PRPF8: variants seen among roughly 807,000 people sequenced by gnomAD.
The protein encoded by PRPF8 is pre-mRNA processing factor 8, also known as pre-mRNA-processing-splicing factor 8.
A neutral mutation model predicts 285.9 loss-of-function variants in PRPF8; 64 were observed. That is an observed-to-expected ratio of 0.22 (90% CI 0.18 to 0.28). The LOEUF is 0.28. PRPF8 is among the 10% of genes least tolerant of loss of function. The pLI, the probability that PRPF8 is intolerant of heterozygous loss-of-function variation, is 1.00. For missense variants in PRPF8, 1,426 were observed against 3,026.7 expected, an observed-to-expected ratio of 0.47 and a Z score of 12.41; for synonymous variants, 1,325 against 1,118.2, an observed-to-expected ratio of 1.18 and a Z score of -3.69.
intron 8 of PRPF8, 121 bp downstream of exon 8, chr17:1,680,605 A>G (rs1912860702): frequency 1.1e-6 from 1 of 896,204 alleles, no homozygotes; most frequent in Non-Finnish European, 1.8e-6. Context: ...CTTATAGCTC[A>G]AGGGGAACAC....
Position 1,650,857 on chromosome 17 carries a change from G to A in PRPF8, c.6953C>T (p.Ala2318Val), listed in dbSNP as rs759985156. Residue 2318 changes from alanine to valine, a missense_variant, in exon 43 of 43, where the codon GCT (alanine) becomes GTT (valine). Physicochemically the swap from Ala to Val is moderately conservative, Grantham distance 64. Around this residue, in one of 34 missense-constraint regions of PRPF8, gnomAD observed 59 missense variants for 58.6 expected, o/e 1.01. Transcript: ENST00000304992. ...VHRPSHFLNF[A>V]LLQEGEVYSA... ...GTAAACCTCCCCCTCCTGCAGGAGAGCAAAGTTGAGGAAGTGAGAGGGCCT... is the reference window on the plus strand; with the variant it reads ...GTAAACCTCCCCCTCCTGCAGGAGAACAAAGTTGAGGAAGTGAGAGGGCCT... 1.9e-6 allele frequency: 3 copies of A among 1,614,210 alleles called. No individual in the cohort carries two copies. Among genetic ancestry groups the A allele is most frequent in the East Asian group, 4.5e-5 (2 of 44,876 alleles).
At position 1,660,687 on chromosome 17, in the gene PRPF8, A is replaced by G. The variant is rs773323136; in HGVS notation, c.4638+11T>C. On this transcript the variant is annotated intron_variant, in intron 29 of 42. Transcript: ENST00000304992. ...CTTTAGCTTCCCCTCTCCAGTGTCA[A>G]TCACACTCACATTGGCTCGATTAAT... The G allele has an allele frequency of 2.7e-5, 44 of 1,614,088 alleles. No homozygotes were observed. In the East Asian group the frequency reaches 6.7e-4, roughly 25 times the overall value.
Position 1,659,214 on chromosome 17 carries a change from CAG to C in PRPF8, c.5138+141_5138+142del, listed in dbSNP as rs1346502595. 12 of 929,688 alleles carry C rather than the reference CAG, an allele frequency of 1.3e-5. No individual in the cohort carries two copies. Among genetic ancestry groups the C allele is most frequent in the Non-Finnish European group, 2.0e-5 (12 of 588,130 alleles). 57.6% of individuals were successfully genotyped at this position (929,688 alleles called of 1,614,324 possible). A position where few individuals can be genotyped will look rare whatever the true frequency, so the allele number is the denominator to read the frequency against. ...CTAATTTTTTGTATTTTGGTAGAGA[CAG>C]GGTTTCACCATGTTGCCCAGACTGG... On this transcript the variant is annotated intron_variant, in intron 32 of 42. Transcript: ENST00000304992. This position sits in a 1 kb window ranked among gnomAD's most constrained non-coding sequence, Gnocchi z 5.1.
chr17:1,659,993 G>T lies in PRPF8; in HGVS notation c.4794C>A (p.Asp1598Glu), dbSNP rs1393257789. The change falls in exon 31 of 43, where the codon GAC becomes GAA. Residue 1598 changes from aspartate to glutamate, a missense_variant. This residue lies in a region of PRPF8 where 21 missense variants were observed against 16.5 expected (regional missense o/e 1.27). Coordinates refer to ENST00000304992, the MANE Select transcript of PRPF8 (RefSeq NM_006445.4). This position sits in a 1 kb window ranked among gnomAD's most constrained non-coding sequence, Gnocchi z 5.1. ...CAATTTCCAGTGCATCAAGTTCCTGGTCAAACACCTGAAGGAAAACATGGA... is the reference window on the plus strand; with the variant it reads ...CAATTTCCAGTGCATCAAGTTCCTGTTCAAACACCTGAAGGAAAACATGGA... ...SIVMDLCQVF[D>E]QELDALEIET... is the part of the protein sequence containing the mutation. 1.9e-6 allele frequency: 3 copies of T among 1,613,940 alleles called. No homozygotes were observed. The highest frequency in any genetic ancestry group is 2.5e-6 in the Non-Finnish European group (3 of 1,179,952).
intron 24 of PRPF8, among the ~76,000 whole-genome samples, chr17:1,671,847 T>A (rs1912338036): frequency 4.9e-5 from 5 of 101,052 alleles, no homozygotes; most frequent in South Asian, 3.4e-4. Flanking sequence ...CAAGACTCCA[T>A]CTCAAAAAAA....
chr17:1,661,124 C>G lies in PRPF8; in HGVS notation c.4377G>C (p.Arg1459=). 6.2e-7 allele frequency: 1 copy of G among 1,614,190 alleles called. No individual in the cohort carries two copies. The change falls in exon 28 of 43, where the codon CGG becomes CGC. Residue 1459 remains arginine (R), a synonymous_variant. Coordinates refer to ENST00000304992, the MANE Select transcript of PRPF8 (RefSeq NM_006445.4). The surrounding 1 kb of genome is among the most constrained non-coding windows in gnomAD (Gnocchi z 7.3). ...TCAGGTTCCAGAGCTTCCCATCATG[C>G]CGCTGGTGTGTCCACCAGAACGGAT... The part of the protein sequence containing the change: ...KQNPFWWTHQ[R]HDGKLWNLNN...
At chr17:1,664,985 G>C (rs1911878213) in intron 24 of PRPF8, among the ~76,000 whole-genome samples, 1 of 151,348 alleles carries the variant, frequency 6.6e-6, no homozygotes, top group Non-Finnish European at 1.5e-5. Flanking sequence ...GTAAAAACCT[G>C]TCTCTACTAA....
chr17:1,673,321 G>A lies in PRPF8; in HGVS notation c.3657+36C>T, dbSNP rs190623887. 33 of 1,611,154 alleles carry A rather than the reference G, an allele frequency of 2.0e-5. No homozygotes were observed. The highest frequency in any genetic ancestry group is 1.7e-4 in the Middle Eastern group (1 of 6,054). On this transcript the variant is annotated intron_variant, in intron 23 of 42. Transcript: ENST00000304992. The surrounding 1 kb of genome is among the most constrained non-coding windows in gnomAD (Gnocchi z 5.5). Reference sequence around the variant, plus strand: ...GGTGACTGACCCAGGAAGTGCAGGCGCGTTCATGTCACTCCCAGCCCCGCC... The same window carrying A: ...GGTGACTGACCCAGGAAGTGCAGGCACGTTCATGTCACTCCCAGCCCCGCC...
At chr17:1,660,868 T>G (rs1911646178) in intron 28 of PRPF8, 41 bp from the exon 29 acceptor site, 1 of 1,612,982 alleles carries the variant, frequency 6.2e-7, no homozygotes, top group South Asian at 1.1e-5. Flanking sequence ...ATCCTGCCAT[T>G]TCCCAGCACA....
chr17:1,673,257 T>C lies in PRPF8; in HGVS notation c.3658-60A>G. 1.9e-6 allele frequency: 3 copies of C among 1,606,338 alleles called. No individual in the cohort carries two copies. On this transcript the variant is annotated intron_variant, in intron 23 of 42. Coordinates refer to ENST00000304992, the MANE Select transcript of PRPF8 (RefSeq NM_006445.4). This position sits in a 1 kb window ranked among gnomAD's most constrained non-coding sequence, Gnocchi z 5.5. The stretch of plus-strand genomic sequence containing the variant: ...AACTCCCACAGAAGCAAGAGCCAAC[T>C]GTGCCCACCACTCAAGTCTTTCCAC...
chr17:1,674,308 T>C, intron 21 of PRPF8, 134 bp downstream of exon 21: 3 of 957,864 alleles, frequency 3.1e-6, no homozygotes, highest in Non-Finnish European at 5.1e-6. Flanking sequence ...AGGCGTGAGC[T>C]ACCGCACCCG....
intron 3 of PRPF8, 177 bp downstream of exon 3, chr17:1,683,356 G>A (rs570536287): frequency 6.8e-6 from 5 of 730,826 alleles, no homozygotes; most frequent in South Asian, 6.3e-5. Context: ...ATCGGGAAGA[G>A]AGGGGAAACA....
rs1165124931 is a variant in PRPF8 at position 1,661,296 on chromosome 17, A to G, written c.4313T>C (p.Val1438Ala). ...CTGATACTGCTTAAAGTCAGTTCTG[A>G]CACGCCAGCCCTTATCATAAGCCAG... ...HTLAYDKGWR[V>A]RTDFKQYQVL... is the part of the protein sequence containing the mutation. Residue 1438 changes from valine to alanine, a missense_variant, in exon 27 of 43, where the codon GTC (valine) becomes GCC (alanine). Coordinates refer to ENST00000304992, the MANE Select transcript of PRPF8 (RefSeq NM_006445.4). This position sits in a 1 kb window ranked among gnomAD's most constrained non-coding sequence, Gnocchi z 7.3. 1 of 1,614,144 alleles carries G rather than the reference A, an allele frequency of 6.2e-7. No individual in the cohort carries two copies. The highest frequency in any genetic ancestry group is 1.1e-5 in the South Asian group (1 of 91,084).
At position 1,676,969 on chromosome 17, in the gene PRPF8, C is replaced by T. The variant is rs780368500; in HGVS notation, c.2181+7G>A. ...TTACGCCTCCAAGGAAATAAAGAGACACCCACCTTCCAGGGAATGTTGGCT... is the reference window on the plus strand; with the variant it reads ...TTACGCCTCCAAGGAAATAAAGAGATACCCACCTTCCAGGGAATGTTGGCT... On this transcript the variant is annotated splice_region_variant and intron_variant, in intron 15 of 42. Coordinates refer to ENST00000304992, the MANE Select transcript of PRPF8 (RefSeq NM_006445.4). This position sits in a 1 kb window ranked among gnomAD's most constrained non-coding sequence, Gnocchi z 6.3. 1.2e-6 allele frequency: 2 copies of T among 1,613,468 alleles called. No homozygotes were observed. The highest frequency in any genetic ancestry group is 1.7e-5 in the Admixed American group (1 of 60,020).
rs149841154 is a variant in PRPF8, at chr17:1,656,500, C to A, written c.5685G>T (p.Ala1895=). 34 of 1,614,040 alleles carry A rather than the reference C, an allele frequency of 2.1e-5. No homozygotes were observed. In the African/African-American group the frequency reaches 4.5e-4, roughly 22 times the overall value. The change falls in exon 36 of 43, where the codon GCG becomes GCT. Residue 1895 remains alanine, a synonymous_variant. Transcript: ENST00000304992. ...KGSELQLPFQ[A]CLKVEKFGDL... ...CCCCGAATTTTTCCACCTTGAGACA[C>A]GCCTGGAAAGGGAGTTGGAGCTCCG...
intron 24 of PRPF8, among the ~76,000 whole-genome samples, chr17:1,668,789 G>A (rs1912143361): frequency 6.6e-6 from 1 of 152,050 alleles, no homozygotes; most frequent in African/African-American, 2.4e-5. Context: ...CTGAGTAGCT[G>A]GGTGATTCTG....
intron 24 of PRPF8, among the ~76,000 whole-genome samples, chr17:1,668,613 C>T (rs1198838492): frequency 1.3e-5 from 2 of 152,098 alleles, no homozygotes; most frequent in South Asian, 2.1e-4. Context: ...CCACCCGCCT[C>T]GGCCTCCCAA....
At chr17:1,652,380 A>G (rs1911128103) in intron 39 of PRPF8, among the ~76,000 whole-genome samples, 2 of 152,182 alleles carry the variant, frequency 1.3e-5, no homozygotes, top group Non-Finnish European at 2.9e-5. Context: ...CTGGGACTAC[A>G]GGCACATGCC....
At position 1,651,469 on chromosome 17, in the gene PRPF8, T is replaced by C. The variant is rs368323256; in HGVS notation, c.6595A>G (p.Ile2199Val). 2.8e-5 allele frequency: 46 copies of C among 1,614,042 alleles called. No individual in the cohort carries two copies. The highest frequency in any genetic ancestry group is 3.9e-5 in the Non-Finnish European group (46 of 1,180,020). ...SPQDVTTHAKIMADNPSWDGE... is the reference protein window; with the variant it reads ...SPQDVTTHAKVMADNPSWDGE... ...TCCCAAGATGGGTTGTCAGCCATGA[T>C]CTTGGCATGGGTGGTGACATCCTGG... Residue 2199 changes from isoleucine to valine, a missense_variant, in exon 41 of 43, where the codon ATC (isoleucine) becomes GTC (valine). Around this residue, in one of 34 missense-constraint regions of PRPF8, gnomAD observed 160 missense variants for 373.7 expected, o/e 0.43. Coordinates refer to ENST00000304992, the MANE Select transcript of PRPF8 (RefSeq NM_006445.4). The surrounding 1 kb of genome is among the most constrained non-coding windows in gnomAD (Gnocchi z 5.1).
Sources: allele counts gnomAD v4.1 joint callset (sites outside exome capture counted in the v4.1 genomes callset), GRCh38; gene constraint gnomAD v4.1.1; regional missense constraint gnomAD v4.1.1; non-coding constraint Gnocchi (gnomAD v3.1); transcripts MANE v1.5; gene names NCBI Gene and HGNC (gene_info 2026-07-23, HGNC 2026-07-21).